DNMBP: variants seen among roughly 807,000 people sequenced by gnomAD.
The protein encoded by DNMBP is dynamin-binding protein.
A neutral mutation model predicts 150.0 loss-of-function variants in DNMBP; 87 were observed. The observed-to-expected ratio is 0.58, with a 90% confidence interval of 0.49 to 0.69. DNMBP has a LOEUF of 0.69. DNMBP is among the 30% of genes least tolerant of loss of function. The probability of loss-of-function intolerance (pLI) is 0.00; values close to 1 mark genes in which losing one functional copy is unlikely to be tolerated. For missense variants in DNMBP, 1,774 were observed against 1,949.0 expected (o/e 0.91, Z 1.69); for synonymous variants, 711 against 750.4 (o/e 0.95, Z 0.86).
intron 4 of DNMBP, among the ~76,000 whole-genome samples, chr10:99,910,730 A>T (rs1330675349): frequency 2.0e-5 from 3 of 152,226 alleles, no homozygotes; most frequent in Non-Finnish European, 2.9e-5. Flanking sequence ...GGATAGGTCA[A>T]AGGGCACAGA....
chr10:99,935,825 G>C lies in DNMBP; in HGVS notation c.2260+19389C>G, dbSNP rs567880637. On this transcript the variant is annotated intron_variant, in intron 4 of 16. Transcript: ENST00000324109. Reference sequence around the variant, plus strand: ...GTGATCCTGCGCACCTCGGCCTCCCGAAGTGCTGGGATTGCAGGCGTGAGC... The same window carrying C: ...GTGATCCTGCGCACCTCGGCCTCCCCAAGTGCTGGGATTGCAGGCGTGAGC... 2.0e-5 allele frequency among the ~76,000 whole-genome samples: 3 copies of C among 152,118 alleles called. 1 individual carries two copies. Among genetic ancestry groups the C allele is most frequent in the Non-Finnish European group, 2.9e-5 (2 of 68,018 alleles).
At position 99,955,614 on chromosome 10, in the gene DNMBP, G is replaced by A. The variant is rs754479402; in HGVS notation, c.1860C>T (p.Ser620=). The A allele has an allele frequency of 2.5e-6, 4 of 1,614,194 alleles. No homozygotes were observed. Among genetic ancestry groups the A allele is most frequent in the Non-Finnish European group, 2.5e-6 (3 of 1,180,018 alleles). Residue 620 remains serine, a synonymous_variant, in exon 4 of 17, where the codon TCC becomes TCT. Transcript: ENST00000324109. ...PPPPRPCTPV[S]TSPHLLVDQN... Reference sequence around the variant, plus strand: ...GGTCAACCAGCAAATGGGGAGAAGTGGATACCGGAGTACAGGGACGAGGTG... The same window carrying A: ...GGTCAACCAGCAAATGGGGAGAAGTAGATACCGGAGTACAGGGACGAGGTG...
Position 99,956,772 on chromosome 10 carries a change from C to A in DNMBP, c.702G>T (p.Glu234Asp). ...CCTCCTCATCCTCATCCGGCCCTAT[C>A]TCTTCTTCTCCTACAGGGGTATCTA... ...GEVDTPVGEE[E>D]IGPDEDEEEP... Residue 234 changes from glutamate to aspartate, a missense_variant, in exon 4 of 17, where the codon GAG (glutamate) becomes GAT (aspartate). Physicochemically the swap from Glu to Asp is conservative, Grantham distance 45. Coordinates refer to ENST00000324109, the MANE Select transcript of DNMBP (RefSeq NM_015221.4). The A allele has an allele frequency of 3.1e-6, 5 of 1,614,204 alleles. No homozygotes were observed. Among genetic ancestry groups the A allele is most frequent in the Non-Finnish European group, 4.2e-6 (5 of 1,180,030 alleles).
intron 1 of DNMBP, among the ~76,000 whole-genome samples, chr10:99,976,388 T>C (rs2040727847): frequency 6.6e-6 from 1 of 152,228 alleles, no homozygotes; most frequent in African/African-American, 2.4e-5. Flanking sequence ...AGTTCATTAT[T>C]AAGACTACAC....
At chr10:99,904,659 G>C (rs2039797818) in intron 6 of DNMBP, among the ~76,000 whole-genome samples, 1 of 152,092 alleles carries the variant, frequency 6.6e-6, no homozygotes, top group African/African-American at 2.4e-5. Flanking sequence ...ATTAGTCCTT[G>C]CGCCTAGGTC....
At chr10:99,890,853 G>A (rs934620285) in intron 11 of DNMBP, among the ~76,000 whole-genome samples, 1 of 152,088 alleles carries the variant, frequency 6.6e-6, no homozygotes, top group Non-Finnish European at 1.5e-5. Context: ...CACCACGTTG[G>A]CCAGGTTGGT....
chr10:99,926,231 T>A (rs1368905123), intron 4 of DNMBP, among the ~76,000 whole-genome samples: 3 of 152,180 alleles, frequency 2.0e-5, no homozygotes, highest in Non-Finnish European at 4.4e-5. Flanking sequence ...TGTACTAATC[T>A]CCCTACTTAT....
chr10:99,972,920 T>C (rs2040693733), intron 1 of DNMBP, among the ~76,000 whole-genome samples: 1 of 152,202 alleles, frequency 6.6e-6, no homozygotes, highest in Non-Finnish European at 1.5e-5. Context: ...TAGGTAGGAC[T>C]ACAGGCATGC....
chr10:99,911,142 G>A (rs1320413619), intron 4 of DNMBP, among the ~76,000 whole-genome samples: 3 of 152,198 alleles, frequency 2.0e-5, no homozygotes, highest in South Asian at 2.1e-4. Context: ...TCAGGAGGCT[G>A]AGGTGGGAGG....
At chr10:99,925,060 C>A (rs1467288390) in intron 4 of DNMBP, among the ~76,000 whole-genome samples, 2 of 152,200 alleles carry the variant, frequency 1.3e-5, no homozygotes, top group African/African-American at 4.8e-5. Context: ...CTCTCTTGCA[C>A]CTTTGCACCT....
intron 4 of DNMBP, among the ~76,000 whole-genome samples, chr10:99,946,124 T>A (rs530970424): frequency 6.6e-6 from 1 of 152,242 alleles, no homozygotes; most frequent in South Asian, 2.1e-4. Flanking sequence ...GCCCTGCTAA[T>A]TTTTTGTATT....
chr10:99,969,140 C>G lies in DNMBP; in HGVS notation c.243G>C (p.Glu81Asp). Residue 81 changes from glutamate to aspartate, a missense_variant, in exon 3 of 17, where the codon GAG (glutamate) becomes GAC (aspartate). Glu to Asp is a conservative substitution (Grantham distance 45). Transcript: ENST00000324109. ...FVCICEFTSQ[E>D]LDNLPLHRGD... is the part of the protein sequence containing the mutation. ...CTCGATGGAGGGGAAGATTATCCAA[C>G]TCTTGGGATGTGAATTCACAAATGC... 2 of 1,614,104 alleles carry G rather than the reference C, an allele frequency of 1.2e-6. No individual in the cohort carries two copies. Among genetic ancestry groups the G allele is most frequent in the African/African-American group, 1.3e-5 (1 of 75,034 alleles).
At chr10:99,902,895 T>G (rs1416248831) in intron 6 of DNMBP, among the ~76,000 whole-genome samples, 1 of 149,804 alleles carries the variant, frequency 6.7e-6, no homozygotes, top group East Asian at 2.0e-4. Context: ...GCCACTGCAC[T>G]CCAGCCTGGG....
intron 4 of DNMBP, among the ~76,000 whole-genome samples, chr10:99,926,462 C>G (rs1475808177): frequency 6.6e-6 from 1 of 152,062 alleles, no homozygotes; most frequent in Non-Finnish European, 1.5e-5. Flanking sequence ...CAATCAAAAG[C>G]AGGCAGAATT....
chr10:99,974,895 A>G lies in DNMBP; in HGVS notation c.-10-2761T>C, dbSNP rs114483476. ...CTTCCCACCTCAGCCTCCTGGGTAC[A>G]TATGGCTACAGGTATGCATAACCAT... On this transcript the variant is annotated intron_variant, in intron 1 of 16. Coordinates refer to ENST00000324109, the MANE Select transcript of DNMBP (RefSeq NM_015221.4). Among the ~76,000 whole-genome samples, 1,380 of 152,250 alleles carry G rather than the reference A, an allele frequency of 9.1e-3. 23 individuals carry two copies. Among genetic ancestry groups the G allele is most frequent in the African/African-American group, 0.032 (1,313 of 41,562 alleles).
intron 7 of DNMBP, among the ~76,000 whole-genome samples, chr10:99,898,963 C>T (rs778539235): frequency 1.3e-5 from 2 of 151,830 alleles, no homozygotes; most frequent in Non-Finnish European, 2.9e-5. Flanking sequence ...GAGGCCGAGG[C>T]GGGTGGATCA....
chr10:99,887,242 A>C (rs1490056922), intron 12 of DNMBP, among the ~76,000 whole-genome samples: 1 of 152,074 alleles, frequency 6.6e-6, no homozygotes, highest in African/African-American at 2.4e-5. Context: ...TCTTCCAAAG[A>C]ATTTTTCTCT....
rs1490980045 is a variant in DNMBP, at chr10:99,949,146, C to A, written c.2260+6068G>T. ...CAAGTAGACCAGTTCAAAGTAACAA[C>A]AGAAGTAGGAGATCTCTGAAAACTC... On this transcript the variant is annotated intron_variant, in intron 4 of 16. Coordinates refer to ENST00000324109, the MANE Select transcript of DNMBP (RefSeq NM_015221.4). 3.3e-5 allele frequency among the ~76,000 whole-genome samples: 5 copies of A among 152,170 alleles called. No homozygotes were observed. In the East Asian group the frequency reaches 9.6e-4, roughly 29 times the overall value.
At chr10:99,991,650 G>T (rs1231781550) in intron 1 of DNMBP, among the ~76,000 whole-genome samples, 5 of 151,442 alleles carry the variant, frequency 3.3e-5, no homozygotes, top group African/African-American at 1.2e-4. Flanking sequence ...AATCACAAAA[G>T]ACCCCATATA....
Sources: allele counts gnomAD v4.1 joint callset (sites outside exome capture counted in the v4.1 genomes callset), GRCh38; gene constraint gnomAD v4.1.1; transcripts MANE v1.5; gene names NCBI Gene and HGNC (gene_info 2026-07-23, HGNC 2026-07-21).